The following ADD2 variants were observed in gnomAD, a reference collection of about 807,000 sequenced individuals.
ADD2 encodes beta-adducin.
ADD2 carries 23 observed loss-of-function variants against 83.0 expected under a neutral mutation model. That is an observed-to-expected ratio of 0.28 (90% CI 0.20 to 0.39). ADD2 has a LOEUF of 0.39. Ranked by LOEUF, ADD2 falls within the 10% of genes least tolerant of loss-of-function variation. The pLI is 1.00. For missense variants in ADD2, 758 were observed against 944.9 expected (o/e 0.80, Z 2.59); for synonymous variants, 375 against 375.4 (o/e 1.00, Z 0.01).
chr2:70,669,869 CAGAG>C (rs1669830216), intron 15 of ADD2, among the ~76,000 whole-genome samples: 1 of 127,706 alleles, frequency 7.8e-6, no homozygotes, highest in Non-Finnish European at 1.8e-5. Flanking sequence ...GAGAGACAGA[CAGAG>C]AGACAGACAG....
At chr2:70,710,500 G>C (rs375886011) in intron 2 of ADD2, among the ~76,000 whole-genome samples, 2 of 152,336 alleles carry the variant, frequency 1.3e-5, no homozygotes, top group East Asian at 1.9e-4. Context: ...GAGGTACTCC[G>C]ATGGGGGTGG....
At chr2:70,764,362 G>A (rs1175150238) in intron 1 of ADD2, among the ~76,000 whole-genome samples, 3 of 151,828 alleles carry the variant, frequency 2.0e-5, no homozygotes, top group Admixed American at 6.6e-5. Flanking sequence ...ATGAACTGGC[G>A]TGAGATCTTC....
intron 1 of ADD2, among the ~76,000 whole-genome samples, chr2:70,730,299 C>T (rs1338958737): frequency 6.6e-6 from 1 of 152,212 alleles, no homozygotes; most frequent in Non-Finnish European, 1.5e-5. Context: ...CATGATACCA[C>T]ATCGGGCCTC....
chr2:70,712,971 C>T (rs955080805), intron 2 of ADD2, 95 bp downstream of exon 2: 6 of 347,822 alleles, frequency 1.7e-5, no homozygotes, highest in Non-Finnish European at 1.6e-5. Context: ...GGAAGCTCAT[C>T]CTCATGCAAA....
chr2:70,736,433 T>C (rs1553380168), intron 1 of ADD2, among the ~76,000 whole-genome samples: 1 of 152,196 alleles, frequency 6.6e-6, no homozygotes, highest in African/African-American at 2.4e-5. Flanking sequence ...TCCTATTGAG[T>C]AGACAGAAAA....
intron 13 of ADD2, chr2:70,675,788 A>C: frequency 3.0e-6 from 3 of 985,416 alleles, no homozygotes; most frequent in Non-Finnish European, 3.6e-6. Flanking sequence ...AGAATCCAAG[A>C]CCAAAAACCC....
chr2:70,691,039 T>C (rs1671005953), intron 7 of ADD2, 110 bp from the exon 8 acceptor site: 38 of 1,349,274 alleles, frequency 2.8e-5, no homozygotes, highest in Non-Finnish European at 3.7e-5. Context: ...GGGTGAGGAG[T>C]GAGGGGTGAG....
chr2:70,706,189 C>T lies in ADD2; in HGVS notation c.183+37G>A, dbSNP rs781913695. ...GTACACGTCCTGAAGAGCCAGCGCCCCCTGCGCCCTCTCCCGCCCGGGTCA... is the reference window on the plus strand; with the variant it reads ...GTACACGTCCTGAAGAGCCAGCGCCTCCTGCGCCCTCTCCCGCCCGGGTCA... On this transcript the variant is annotated intron_variant, in intron 3 of 15. Transcript: ENST00000264436. The surrounding 1 kb of genome is among the most constrained non-coding windows in gnomAD (Gnocchi z 5.0). The T allele has an allele frequency of 1.2e-6, 2 of 1,603,988 alleles. No homozygotes were observed. Among genetic ancestry groups the T allele is most frequent in the East Asian group, 4.5e-5 (2 of 44,676 alleles).
chr2:70,726,800 C>CT (rs1478990140), intron 1 of ADD2, among the ~76,000 whole-genome samples: 1 of 152,128 alleles, frequency 6.6e-6, no homozygotes, highest in Non-Finnish European at 1.5e-5. Context: ...GGGGAGGTAG[C>CT]TTTACCCACT....
At chr2:70,731,844 T>C (rs1401579722) in intron 1 of ADD2, among the ~76,000 whole-genome samples, 1 of 152,194 alleles carries the variant, frequency 6.6e-6, no homozygotes, top group Non-Finnish European at 1.5e-5. Flanking sequence ...ATATGTGTCA[T>C]GTCAGGCAGT....
At chr2:70,703,867 TC>T (rs2104376168) in intron 4 of ADD2, among the ~76,000 whole-genome samples, 1 of 152,366 alleles carries the variant, frequency 6.6e-6, no homozygotes, top group African/African-American at 2.4e-5. Flanking sequence ...TTCACAGTTT[TC>T]AGCCATAATC....
chr2:70,720,363 G>A (rs931364489), intron 1 of ADD2, among the ~76,000 whole-genome samples: 4 of 149,434 alleles, frequency 2.7e-5, no homozygotes, highest in African/African-American at 7.5e-5. Flanking sequence ...GGAACTGCTG[G>A]CCTCCGGAAT....
intron 1 of ADD2, among the ~76,000 whole-genome samples, chr2:70,756,521 TAGG>T (rs1233998846): frequency 6.6e-6 from 1 of 152,230 alleles, no homozygotes; most frequent in African/African-American, 2.4e-5. Context: ...TGAACACTGT[TAGG>T]AGTTTTCATT....
intron 8 of ADD2, among the ~76,000 whole-genome samples, chr2:70,689,030 G>C (rs1670887921): frequency 6.6e-6 from 1 of 152,066 alleles, no homozygotes; most frequent in Admixed American, 6.5e-5. Flanking sequence ...ACTTGAACCT[G>C]GGGGCTGCAG....
intron 8 of ADD2, among the ~76,000 whole-genome samples, chr2:70,688,990 A>G (rs562515498): frequency 6.6e-6 from 1 of 152,228 alleles, no homozygotes; most frequent in East Asian, 1.9e-4. Context: ...CTGTAGTCCC[A>G]GCTACTCGGG....
At chr2:70,692,723 T>C (rs782383848) in intron 6 of ADD2, among the ~76,000 whole-genome samples, 171 bp from the exon 7 acceptor site, 1 of 146,626 alleles carries the variant, frequency 6.8e-6, no homozygotes, top group South Asian at 2.2e-4. Context: ...CTGCCCTCAG[T>C]GAGTGCACAG....
chr2:70,659,681 C>G lies in ADD2; in HGVS notation c.*3744G>C, dbSNP rs1396262967. On this transcript the variant is annotated 3_prime_UTR_variant, in exon 16 of 16. Transcript: ENST00000264436. ...GCAGGCCAGGAGGCTCTTAGGGAGT[C>G]CAGATCTGGGCTAGAAGGTGTCTCT... 1 of 152,250 alleles carries G rather than the reference C, an allele frequency of 6.6e-6. No individual in the cohort carries two copies. The highest frequency in any genetic ancestry group is 1.5e-5 in the Non-Finnish European group (1 of 68,124). The allele number at this position is 152,250 out of a possible 1,614,324, so 9.4% of individuals were successfully genotyped here. A position where few individuals can be genotyped will look rare whatever the true frequency, so the allele number is the denominator to read the frequency against.
intron 15 of ADD2, among the ~76,000 whole-genome samples, chr2:70,669,686 T>C (rs576816824): frequency 2.3e-4 from 35 of 152,322 alleles, no homozygotes; most frequent in African/African-American, 7.2e-4. Context: ...ACCAATAGAA[T>C]GCAGTGGAAG....
chr2:70,704,263 T>TGCCCCCCCCCCCCCCCCCCCCCCCCCCC, intron 4 of ADD2, 58 bp downstream of exon 4: 1 of 913,236 alleles, frequency 1.1e-6, no homozygotes, highest in Non-Finnish European at 1.7e-6. Flanking sequence ...CTCCCTCTCT[T>TGCCCCCCCCCCCCCCCCCCCCCCCCCCC]CCCCACCCCA....
Sources: gnomAD v4.1 joint callset for allele counts (sites outside exome capture counted in the v4.1 genomes callset) on GRCh38, gnomAD v4.1.1 for gene constraint, Gnocchi (gnomAD v3.1) non-coding constraint, MANE v1.5 for transcripts, NCBI Gene and HGNC (gene_info 2026-07-23, HGNC 2026-07-21) for gene names.